The following PGM5 variants were observed in gnomAD, a reference collection of about 807,000 sequenced individuals.
PGM5 encodes phosphoglucomutase 5.
A neutral mutation model predicts 59.2 loss-of-function variants in PGM5; 23 were observed. The ratio of observed to expected loss-of-function variants is 0.39; its 90% CI spans 0.28 to 0.55. PGM5 has a LOEUF of 0.55. Ranked by LOEUF, PGM5 falls within the 20% of genes least tolerant of loss-of-function variation. The pLI, the probability that PGM5 is intolerant of heterozygous loss-of-function variation, is 0.66. For synonymous variants in PGM5, 214 were observed against 286.0 expected (o/e 0.75, Z 2.54); for missense variants, 574 against 748.3 (o/e 0.77, Z 2.72).
intron 6 of PGM5, among the ~76,000 whole-genome samples, chr9:68,412,554 A>C (rs1822952455): frequency 6.6e-6 from 1 of 152,162 alleles, no homozygotes; most frequent in Non-Finnish European, 1.5e-5. Flanking sequence ...GGATGAAATC[A>C]CCCTTCGTTG....
chr9:68,457,073 T>C (rs536068428), intron 6 of PGM5, among the ~76,000 whole-genome samples: 3 of 152,228 alleles, frequency 2.0e-5, no homozygotes, highest in Non-Finnish European at 4.4e-5. Flanking sequence ...TGAGTTTTTC[T>C]TATCAGTTTG....
At chr9:68,360,855 A>T (rs1834563444) in intron 1 of PGM5, among the ~76,000 whole-genome samples, 1 of 152,214 alleles carries the variant, frequency 6.6e-6, no homozygotes, top group Non-Finnish European at 1.5e-5. Context: ...CAAACAAAAT[A>T]AAAAATGGTT....
chr9:68,494,222 TAA>T (rs536822739), intron 9 of PGM5, among the ~76,000 whole-genome samples: 1 of 146,008 alleles, frequency 6.8e-6, no homozygotes, highest in African/African-American at 2.5e-5. Context: ...AAGACTGTGC[TAA>T]AAAAAAAAAA....
chr9:68,385,768 C>T (rs1156510099), intron 3 of PGM5, among the ~76,000 whole-genome samples: 40 of 152,140 alleles, frequency 2.6e-4, no homozygotes, highest in Admixed American at 1.8e-3. Context: ...CCGAGAGACC[C>T]GAATCTTCGT....
At chr9:68,494,494 T>A (rs1235682591) in intron 9 of PGM5, among the ~76,000 whole-genome samples, 2 of 152,226 alleles carry the variant, frequency 1.3e-5, no homozygotes, top group Non-Finnish European at 2.9e-5. Flanking sequence ...AATTAGTTAC[T>A]GCACATTAGA....
chr9:68,510,395 C>T (rs1824730601), intron 10 of PGM5, among the ~76,000 whole-genome samples: 1 of 152,080 alleles, frequency 6.6e-6, no homozygotes, highest in African/African-American at 2.4e-5. Context: ...TCGTGATCCG[C>T]CCACCTCAGC....
At chr9:68,500,507 G>T (rs1824555124) in intron 10 of PGM5, among the ~76,000 whole-genome samples, 1 of 152,008 alleles carries the variant, frequency 6.6e-6, no homozygotes, top group African/African-American at 2.4e-5. Context: ...GGCAAAGCAG[G>T]TGGCCAGCAT....
intron 6 of PGM5, among the ~76,000 whole-genome samples, chr9:68,423,536 G>T (rs1332630707): frequency 6.6e-6 from 1 of 152,178 alleles, no homozygotes; most frequent in Admixed American, 6.5e-5. Flanking sequence ...GCTTGGTGTT[G>T]AGAATGGCAT....
chr9:68,411,500 A>ATG (rs1286963630), intron 6 of PGM5, among the ~76,000 whole-genome samples: 1 of 147,778 alleles, frequency 6.8e-6, no homozygotes, highest in African/African-American at 2.5e-5. Flanking sequence ...ATATATATAT[A>ATG]TATGATTTTC....
chr9:68,434,331 A>G (rs1163309766), intron 6 of PGM5, among the ~76,000 whole-genome samples: 1 of 136,244 alleles, frequency 7.3e-6, no homozygotes, highest in African/African-American at 3.4e-5. Flanking sequence ...AAAAAAAAAA[A>G]AAAAAAAAGA....
At chr9:68,366,398 A>G (rs1190699067) in intron 1 of PGM5, among the ~76,000 whole-genome samples, 1 of 152,270 alleles carries the variant, frequency 6.6e-6, no homozygotes, top group Non-Finnish European at 1.5e-5. Flanking sequence ...AAAAGATGTG[A>G]ATGATAGCTT....
At chr9:68,455,558 G>A (rs1176283274) in intron 6 of PGM5, among the ~76,000 whole-genome samples, 1 of 151,716 alleles carries the variant, frequency 6.6e-6, no homozygotes, top group East Asian at 1.9e-4. Context: ...TAAATAAAAG[G>A]CACTAAGAAT....
intron 10 of PGM5, among the ~76,000 whole-genome samples, chr9:68,527,669 C>T (rs1196455041): frequency 2.1e-5 from 3 of 145,854 alleles, no homozygotes; most frequent in Non-Finnish European, 4.7e-5. Flanking sequence ...ATGATCAACA[C>T]GGAACCGGAG....
chr9:68,441,101 C>T (rs1309678734), intron 6 of PGM5, among the ~76,000 whole-genome samples: 7 of 151,988 alleles, frequency 4.6e-5, no homozygotes, highest in Non-Finnish European at 1.0e-4. Flanking sequence ...TCAACACTCA[C>T]CCAACATGAA....
chr9:68,458,121 G>A (rs1324289487), intron 6 of PGM5, among the ~76,000 whole-genome samples: 6 of 152,238 alleles, frequency 3.9e-5, no homozygotes, highest in Admixed American at 3.9e-4. Context: ...CAGATGTAGG[G>A]GTCCAGATTA....
At chr9:68,410,889 G>C (rs563254151) in intron 6 of PGM5, among the ~76,000 whole-genome samples, 1 of 152,302 alleles carries the variant, frequency 6.6e-6, no homozygotes, top group Admixed American at 6.5e-5. Context: ...AGCAGAGGTG[G>C]GTAATTCATT....
intron 1 of PGM5, among the ~76,000 whole-genome samples, chr9:68,365,077 G>T (rs1489861674): frequency 6.6e-6 from 1 of 151,502 alleles, no homozygotes; most frequent in Non-Finnish European, 1.5e-5. Context: ...CAGACTTGAG[G>T]ACAAGAAGTT....
At chr9:68,464,378 G>C (rs1823900939) in intron 6 of PGM5, 1 of 152,202 alleles carries the variant, frequency 6.6e-6, no homozygotes, top group Non-Finnish European at 1.5e-5. Flanking sequence ...CACAACAAAG[G>C]CCTCAGCCAA....
chr9:68,384,262 T>C, intron 2 of PGM5, 136 bp from the exon 3 acceptor site: 1 of 644,324 alleles, frequency 1.6e-6, no homozygotes, highest in Non-Finnish European at 2.8e-6. Flanking sequence ...TCAAGGCTAA[T>C]TGAACTGTGA....
Sources: gnomAD v4.1 joint callset for allele counts (sites outside exome capture counted in the v4.1 genomes callset) on GRCh38, gnomAD v4.1.1 for gene constraint, MANE v1.5 for transcripts, NCBI Gene and HGNC (gene_info 2026-07-23, HGNC 2026-07-21) for gene names.